SORCS1: variants seen among roughly 807,000 people sequenced by gnomAD.
SORCS1 encodes sortilin related VPS10 domain containing receptor 1.
In SORCS1, 60 loss-of-function variants were observed where a neutral mutation model predicts 146.1. The observed-to-expected ratio is 0.41, with a 90% CI of 0.33 to 0.51. SORCS1 has a LOEUF of 0.51. Ranked by LOEUF, SORCS1 falls within the 20% of genes least tolerant of loss-of-function variation. The probability of loss-of-function intolerance (pLI) is 0.21; values close to 1 mark genes in which losing one functional copy is unlikely to be tolerated. For missense variants in SORCS1, 1,352 were observed against 1,487.6 expected (o/e 0.91, Z 1.50); for synonymous variants, 637 against 584.0 (o/e 1.09, Z -1.31).
chr10:107,024,541 A>G (rs920919591), intron 1 of SORCS1, among the ~76,000 whole-genome samples: 2 of 152,208 alleles, frequency 1.3e-5, no homozygotes, highest in Non-Finnish European at 2.9e-5. Context: ...GGAATTTGGT[A>G]GAAATACAGA....
chr10:106,588,972 T>G (rs17121000), intron 24 of SORCS1, among the ~76,000 whole-genome samples: 5,442 of 151,532 alleles, frequency 0.036, 285 homozygotes, highest in East Asian at 0.25. Context: ...TAAAGCTTCC[T>G]AAGTTAATTG....
intron 9 of SORCS1, among the ~76,000 whole-genome samples, chr10:106,695,960 C>G (rs1481580229): frequency 1.3e-5 from 2 of 152,124 alleles, no homozygotes; most frequent in South Asian, 2.1e-4. Context: ...TATTTGCAAA[C>G]AAAATGCTTA....
chr10:106,985,090 G>A (rs1956408222), intron 1 of SORCS1, among the ~76,000 whole-genome samples: 1 of 152,108 alleles, frequency 6.6e-6, no homozygotes, highest in Non-Finnish European at 1.5e-5. Context: ...AGGAGGCTGA[G>A]GAAGGAGAAT....
intron 2 of SORCS1, among the ~76,000 whole-genome samples, chr10:106,919,947 C>T (rs1052743141): frequency 2.0e-5 from 3 of 152,174 alleles, no homozygotes; most frequent in Non-Finnish European, 4.4e-5. Flanking sequence ...ATTGGTTTAA[C>T]ATATCATCAG....
chr10:106,783,707 A>G (rs1861066844), intron 3 of SORCS1, among the ~76,000 whole-genome samples: 1 of 152,214 alleles, frequency 6.6e-6, no homozygotes, highest in Non-Finnish European at 1.5e-5. Flanking sequence ...CAAAACAGCC[A>G]GTTATGGTTC....
chr10:106,884,250 AAT>A (rs1950913479), intron 2 of SORCS1, among the ~76,000 whole-genome samples: 1 of 152,148 alleles, frequency 6.6e-6, no homozygotes, highest in Admixed American at 6.5e-5. Context: ...CAAGATTTTG[AAT>A]AGTCTAGCCA....
intron 2 of SORCS1, among the ~76,000 whole-genome samples, chr10:106,849,940 C>G (rs112902483): frequency 2.6e-5 from 4 of 152,044 alleles, no homozygotes; most frequent in Admixed American, 6.6e-5. Context: ...GCAGTCTGCC[C>G]GTTCTCAGAT....
intron 18 of SORCS1, among the ~76,000 whole-genome samples, chr10:106,643,156 G>T (rs1849182503): frequency 6.6e-6 from 1 of 152,158 alleles, no homozygotes; most frequent in East Asian, 1.9e-4. Flanking sequence ...GTGATCTCAG[G>T]TAAGTTACTT....
chr10:106,959,272 C>G (rs1955110060), intron 1 of SORCS1, among the ~76,000 whole-genome samples: 2 of 152,134 alleles, frequency 1.3e-5, no homozygotes, highest in African/African-American at 4.8e-5. Context: ...GAAGTAGAGT[C>G]CTTTATGACA....
intron 3 of SORCS1, among the ~76,000 whole-genome samples, chr10:106,792,071 G>A (rs1329011561): frequency 4.6e-5 from 7 of 152,072 alleles, no homozygotes; most frequent in Admixed American, 6.6e-5. Flanking sequence ...TTCATAGTCT[G>A]TTTATAAGTC....
intron 5 of SORCS1, among the ~76,000 whole-genome samples, chr10:106,756,166 G>T (rs1330518325): frequency 6.6e-6 from 1 of 152,008 alleles, no homozygotes; most frequent in African/African-American, 2.4e-5. Context: ...GCCTAAAGCT[G>T]CTAGTGTCCA....
intron 19 of SORCS1, among the ~76,000 whole-genome samples, chr10:106,626,990 T>C (rs944591903): frequency 6.6e-6 from 1 of 152,200 alleles, no homozygotes. Flanking sequence ...GGTCAAATAT[T>C]TGGTCCAATC....
intron 5 of SORCS1, among the ~76,000 whole-genome samples, chr10:106,746,724 C>G (rs77339395): frequency 0.013 from 1,945 of 152,318 alleles, 43 homozygotes; most frequent in African/African-American, 0.045. Context: ...CTGGTTACCA[C>G]AGACAGAACC....
At chr10:106,985,546 T>G (rs1956433116) in intron 1 of SORCS1, among the ~76,000 whole-genome samples, 1 of 151,548 alleles carries the variant, frequency 6.6e-6, no homozygotes, top group South Asian at 2.1e-4. Flanking sequence ...AAGCTTTTTT[T>G]TTTTTTTTTT....
intron 5 of SORCS1, among the ~76,000 whole-genome samples, chr10:106,750,936 G>C (rs1490511750): frequency 1.4e-5 from 2 of 147,122 alleles, no homozygotes; most frequent in African/African-American, 5.0e-5. Context: ...GGCGGGCGCC[G>C]TAGTCCCAGC....
chr10:106,736,577 A>C (rs2788675), intron 5 of SORCS1, among the ~76,000 whole-genome samples: 117,674 of 149,798 alleles, frequency 0.79, 47,157 homozygotes, highest in Non-Finnish European at 0.87. Context: ...GGCCCTCAGA[A>C]AAACATCATC....
intron 2 of SORCS1, among the ~76,000 whole-genome samples, chr10:106,949,436 C>T (rs543704817): frequency 4.9e-4 from 74 of 152,256 alleles, no homozygotes; most frequent in Middle Eastern, 3.4e-3. Context: ...CTAACAAACA[C>T]ACAGGTGAGT....
Position 106,700,613 on chromosome 10 carries a change from G to A in SORCS1, c.1234-1220C>T, listed in dbSNP as rs569482396. 3.3e-5 allele frequency among the ~76,000 whole-genome samples: 5 copies of A among 152,204 alleles called. No individual in the cohort carries two copies. The South Asian group carries it at 6.2e-4, about 19-fold the overall frequency. ...ATCTTCCTGTTAACAATTCCAGTGCGGGGAAATTCCACCTAACTACTAACC... is the reference window on the plus strand; with the variant it reads ...ATCTTCCTGTTAACAATTCCAGTGCAGGGAAATTCCACCTAACTACTAACC... On this transcript the variant is annotated intron_variant, in intron 8 of 25. Transcript: ENST00000263054.
intron 1 of SORCS1, among the ~76,000 whole-genome samples, chr10:107,071,457 C>G (rs190983016): frequency 1.3e-5 from 2 of 152,280 alleles, no homozygotes; most frequent in East Asian, 3.9e-4. Context: ...AACCTATGAA[C>G]CTCTTCGAGG....
Sources: allele counts gnomAD v4.1 joint callset (sites outside exome capture counted in the v4.1 genomes callset), GRCh38; gene constraint gnomAD v4.1.1; transcripts MANE v1.5; gene names NCBI Gene and HGNC (gene_info 2026-07-23, HGNC 2026-07-21).